Variants in KHDRBS1 observed in about 807,000 individuals in gnomAD.
KHDRBS1 encodes KH domain-containing, RNA-binding, signal transduction-associated protein 1.
Under a neutral mutation model 48.4 loss-of-function variants are expected in KHDRBS1, and 7 were observed. The ratio of observed to expected loss-of-function variants is 0.14; its 90% CI spans 0.08 to 0.27. The LOEUF is 0.27. Ranked by LOEUF, KHDRBS1 falls within the 10% of genes least tolerant of loss-of-function variation. The pLI is 1.00. For synonymous variants in KHDRBS1, 241 were observed against 235.8 expected (o/e 1.02, Z -0.20); for missense variants, 458 against 601.2 (o/e 0.76, Z 2.49).
chr1:32,057,883 G>A (rs1021906058), intron 10 of KHDRBS1, among the ~76,000 whole-genome samples: 11 of 151,562 alleles, frequency 7.3e-5, no homozygotes, highest in African/African-American at 1.9e-4. Flanking sequence ...TTGGGAGGCC[G>A]AGGCGGGCAG....
chr1:32,030,254 G>A lies in KHDRBS1; in HGVS notation c.383-44G>A. 1.3e-6 allele frequency: 2 copies of A among 1,553,430 alleles called. 1 individual carries two copies. The highest frequency in any genetic ancestry group is 4.0e-4 in the Middle Eastern group (2 of 4,958). On this transcript the variant is annotated intron_variant, in intron 1 of 8. Transcript: ENST00000327300. ...TTGCTTTAAGCAGACTTCAAAATTT[G>A]CATTTATTTACCAGGGCAAAAATAA...
intron 10 of KHDRBS1, among the ~76,000 whole-genome samples, chr1:32,049,358 T>A (rs1053593439): frequency 1.3e-5 from 2 of 152,058 alleles, no homozygotes; most frequent in African/African-American, 4.8e-5. Context: ...CTCAGCTGAC[T>A]GGCCTCCTTT....
At chr1:32,017,505 T>C (rs1638765692) in intron 1 of KHDRBS1, among the ~76,000 whole-genome samples, 1 of 152,066 alleles carries the variant, frequency 6.6e-6, no homozygotes, top group Non-Finnish European at 1.5e-5. Context: ...TCATCTATCT[T>C]TGTTTTCTGG....
At position 32,039,862 on chromosome 1, in the gene KHDRBS1, T is replaced by C. The variant is rs77744758; in HGVS notation, c.1234+289T>C. Among the ~76,000 whole-genome samples, 8 of 152,278 alleles carry C rather than the reference T, an allele frequency of 5.3e-5. No homozygotes were observed. The East Asian group carries it at 9.7e-4, about 18-fold the overall frequency. On this transcript the variant is annotated intron_variant, in intron 8 of 8. Transcript: ENST00000327300. ...GGCCCTGGTTGGAGCAGCAGACTTA[T>C]AAGCTAATGTTATTTTTTTTCTACT...
chr1:32,055,537 G>A lies in KHDRBS1; in HGVS notation n.1302-4626G>A, dbSNP rs1639471774. On this transcript the variant is annotated intron_variant and non_coding_transcript_variant, in intron 10 of 10. Transcript: ENST00000484270. ...CCTGCTCCCCAGATTAATAGTCGTT[G>A]CATGTTTAAAGCTAGCAAGCATCTG... Among the ~76,000 whole-genome samples, 3 of 152,148 alleles carry A rather than the reference G, an allele frequency of 2.0e-5. No individual in the cohort carries two copies. In the South Asian group the frequency reaches 6.2e-4, roughly 31 times the overall value.
Position 32,037,867 on chromosome 1 carries a change from TG to T in KHDRBS1, c.940del (p.Val314TyrfsTer6). On this transcript the variant is annotated frameshift_variant, in exon 6 of 9. Coordinates refer to ENST00000327300, the MANE Select transcript of KHDRBS1 (RefSeq NM_006559.3). LOFTEE classifies it high-confidence loss of function. ...GGTGTTGGACCACCTCGGGGGGCTT[TG>T]GTACGTGGTACACCAGTAAGGGGAG... ...GRGVGPPRGA[L>X]VRGTPVRGAI... The T allele has an allele frequency of 6.2e-7, 1 of 1,614,218 alleles. No individual in the cohort carries two copies. The highest frequency in any genetic ancestry group is 8.5e-7 in the Non-Finnish European group (1 of 1,180,032).
chr1:32,027,626 A>G (rs1339164382), intron 1 of KHDRBS1, among the ~76,000 whole-genome samples: 2 of 152,246 alleles, frequency 1.3e-5, no homozygotes, highest in African/African-American at 4.8e-5. Flanking sequence ...TTTACAATTC[A>G]TCAGCAATTT....
chr1:32,029,612 A>G (rs1639042977), intron 1 of KHDRBS1, among the ~76,000 whole-genome samples: 1 of 152,236 alleles, frequency 6.6e-6, no homozygotes, highest in Non-Finnish European at 1.5e-5. Context: ...AGCCGAGATC[A>G]TGCCATTGCA....
chr1:32,056,378 A>C (rs575810535), intron 10 of KHDRBS1, among the ~76,000 whole-genome samples: 3 of 152,340 alleles, frequency 2.0e-5, no homozygotes, highest in Non-Finnish European at 4.4e-5. Context: ...CAGCCAGTCT[A>C]TCAGCCCAGA....
At chr1:32,023,310 G>A (rs1271452974) in intron 1 of KHDRBS1, among the ~76,000 whole-genome samples, 4 of 152,168 alleles carry the variant, frequency 2.6e-5, no homozygotes, top group African/African-American at 9.7e-5. Flanking sequence ...GAAGTGACTT[G>A]GGTTTAAGTA....
intron 1 of KHDRBS1, among the ~76,000 whole-genome samples, chr1:32,022,851 C>T (rs1638888871): frequency 6.6e-6 from 1 of 151,484 alleles, no homozygotes; most frequent in Non-Finnish European, 1.5e-5. Context: ...AATTGCGCCA[C>T]TGCACTCCAG....
chr1:32,059,797 C>G (rs2124405258), intron 10 of KHDRBS1, among the ~76,000 whole-genome samples: 1 of 152,174 alleles, frequency 6.6e-6, no homozygotes, highest in South Asian at 2.1e-4. Flanking sequence ...TCATCTTTTT[C>G]ACATTTCTAG....
downstream of KHDRBS1, among the ~76,000 whole-genome samples, chr1:32,047,718 G>A (rs1639373473): frequency 6.6e-6 from 1 of 152,122 alleles, no homozygotes; most frequent in South Asian, 2.1e-4. Context: ...AATTCACATA[G>A]CATAAAATTT....
chr1:32,039,588 C>A lies in KHDRBS1; in HGVS notation c.1234+15C>A. The A allele has an allele frequency of 1.5e-6, 2 of 1,348,642 alleles. No individual in the cohort carries two copies. Among genetic ancestry groups the A allele is most frequent in the South Asian group, 1.2e-5 (1 of 85,732 alleles). 83.5% of individuals were successfully genotyped at this position (1,348,642 alleles called of 1,614,324 possible). On this transcript the variant is annotated intron_variant, in intron 8 of 8. Transcript: ENST00000327300. Reference sequence around the variant, plus strand: ...TGAAGCTTATGGTATGTCTTTATCTCTGTGGTGGGGCAGAATGTACAAGTA... The same window carrying A: ...TGAAGCTTATGGTATGTCTTTATCTATGTGGTGGGGCAGAATGTACAAGTA...
chr1:32,036,494 A>G (rs1639186033), intron 4 of KHDRBS1, among the ~76,000 whole-genome samples: 1 of 152,164 alleles, frequency 6.6e-6, no homozygotes, highest in South Asian at 2.1e-4. Flanking sequence ...AAACTGAAAA[A>G]TCTATATAAA....
At chr1:32,053,549 C>T (rs894246944) in intron 10 of KHDRBS1, among the ~76,000 whole-genome samples, 52 of 152,206 alleles carry the variant, frequency 3.4e-4, no homozygotes, top group African/African-American at 1.2e-3. Flanking sequence ...GGCCACCATG[C>T]CCACTTGACT....
At chr1:32,056,497 A>G (rs1639481483) in intron 10 of KHDRBS1, among the ~76,000 whole-genome samples, 2 of 152,182 alleles carry the variant, frequency 1.3e-5, no homozygotes, top group African/African-American at 2.4e-5. Flanking sequence ...TCTGGTGCCC[A>G]CCTCAGGGTA....
At chr1:32,017,329 T>TA (rs1638763102) in intron 1 of KHDRBS1, among the ~76,000 whole-genome samples, 1 of 152,118 alleles carries the variant, frequency 6.6e-6, no homozygotes, top group South Asian at 2.1e-4. Flanking sequence ...GCCAGATTGA[T>TA]ATTCAGCTGT....
At chr1:32,048,663 G>A (rs1450636211), downstream of KHDRBS1, among the ~76,000 whole-genome samples, 1 of 152,152 alleles carries the variant, frequency 6.6e-6, no homozygotes, top group Admixed American at 6.5e-5. Context: ...TAGTGGCAAA[G>A]AAGTCTAGAG....
Sources: gnomAD v4.1 joint callset for allele counts (sites outside exome capture counted in the v4.1 genomes callset) on GRCh38, gnomAD v4.1.1 for gene constraint, MANE v1.5 for transcripts, NCBI Gene and HGNC (gene_info 2026-07-23, HGNC 2026-07-21) for gene names.